PCDHA2: variants seen among roughly 807,000 people sequenced by gnomAD.
The protein encoded by PCDHA2 is protocadherin alpha 2.
In PCDHA2, 58 loss-of-function variants were observed where a neutral mutation model predicts 66.0. That is an observed-to-expected ratio of 0.88 (90% CI 0.71 to 1.09). The LOEUF (loss-of-function observed/expected upper bound fraction) is 1.09. Among genes scored for constraint, PCDHA2 ranks in the 50% least tolerant of loss-of-function variants. The pLI, the probability that PCDHA2 is intolerant of heterozygous loss-of-function variation, is 0.00. For synonymous variants in PCDHA2, 634 were observed against 554.0 expected, an observed-to-expected ratio of 1.14 and a Z score of -2.03; for missense variants, 1,267 against 1,242.3, an observed-to-expected ratio of 1.02 and a Z score of -0.30.
At chr5:140,971,732 T>C (rs1554233582) in intron 1 of PCDHA2, among the ~76,000 whole-genome samples, 2 of 151,638 alleles carry the variant, frequency 1.3e-5, no homozygotes, top group African/African-American at 4.8e-5. Flanking sequence ...ATCATACATA[T>C]ACACATACAT....
At chr5:140,923,950 C>T (rs544576500) in intron 1 of PCDHA2, among the ~76,000 whole-genome samples, 3 of 152,266 alleles carry the variant, frequency 2.0e-5, no homozygotes, top group Admixed American at 6.5e-5. Flanking sequence ...TTTTTCCTCA[C>T]GCCCTAATCT....
chr5:140,981,232 T>G (rs768766953), intron 2 of PCDHA2, among the ~76,000 whole-genome samples: 32 of 152,216 alleles, frequency 2.1e-4, no homozygotes, highest in Non-Finnish European at 4.3e-4. Context: ...GTAGTCTAAA[T>G]TTTATTTTAG....
intron 1 of PCDHA2, chr5:140,829,924 G>T: frequency 6.2e-7 from 1 of 1,614,014 alleles, no homozygotes; most frequent in Non-Finnish European, 8.5e-7. Context: ...CGTATGAGCT[G>T]CAGCCCCCGG....
intron 1 of PCDHA2, among the ~76,000 whole-genome samples, chr5:140,845,118 T>C (rs1779705774): frequency 6.7e-6 from 1 of 149,786 alleles, no homozygotes; most frequent in Non-Finnish European, 1.5e-5. Flanking sequence ...TGTCCATGTT[T>C]AGCATTTTAT....
intron 1 of PCDHA2, among the ~76,000 whole-genome samples, chr5:140,933,899 G>T (rs2089496307): frequency 6.6e-6 from 1 of 151,508 alleles, no homozygotes; most frequent in African/African-American, 2.4e-5. Flanking sequence ...TGAATATTTT[G>T]GCATAAAGTT....
intron 1 of PCDHA2, chr5:140,801,061 C>A (rs887998358): frequency 1.3e-5 from 19 of 1,453,456 alleles, no homozygotes; most frequent in Non-Finnish European, 1.7e-5. Context: ...GCGTGCATTA[C>A]GTATTCAGAT....
At position 140,966,546 on chromosome 5, in the gene PCDHA2, C is replaced by G. The variant is rs549303882; in HGVS notation, c.2389-12403C>G. The G allele has an allele frequency of 3.9e-5, 18 of 466,228 alleles. No individual in the cohort carries two copies. The Admixed American group carries it at 6.1e-4, about 16-fold the overall frequency. 28.9% of individuals were successfully genotyped at this position (466,228 alleles called of 1,614,324 possible). On this transcript the variant is annotated intron_variant, in intron 1 of 3. Coordinates refer to ENST00000526136, the MANE Select transcript of PCDHA2 (RefSeq NM_018905.3). ...CGAGCCGGGTTGAGCGACTCGGAGGCGAGCGGAGGAGCTGGAATATGGGGA... is the reference window on the plus strand; with the variant it reads ...CGAGCCGGGTTGAGCGACTCGGAGGGGAGCGGAGGAGCTGGAATATGGGGA...
chr5:140,805,580 A>G (rs1763597043), intron 1 of PCDHA2: 1 of 945,106 alleles, frequency 1.1e-6, no homozygotes, highest in East Asian at 1.2e-4. Flanking sequence ...TTAAATGGCT[A>G]CCATTATGTC....
At chr5:141,004,030 C>T (rs1337271425) in intron 3 of PCDHA2, among the ~76,000 whole-genome samples, 1 of 152,204 alleles carries the variant, frequency 6.6e-6, no homozygotes, top group Non-Finnish European at 1.5e-5. Flanking sequence ...GAAACATTTC[C>T]TTGATTGATC....
chr5:140,950,711 T>C (rs1173209854), intron 1 of PCDHA2, among the ~76,000 whole-genome samples: 2 of 152,094 alleles, frequency 1.3e-5, no homozygotes, highest in African/African-American at 4.8e-5. Flanking sequence ...TTTTTGTTCC[T>C]TATATCCTTA....
intron 1 of PCDHA2, chr5:140,929,398 A>G: frequency 6.6e-7 from 1 of 1,510,096 alleles, no homozygotes; most frequent in Non-Finnish European, 8.9e-7. Flanking sequence ...AATATTTCTT[A>G]GACAAGCCTT....
chr5:140,849,138 A>G (rs2150253056), intron 1 of PCDHA2: 1 of 1,337,178 alleles, frequency 7.5e-7, no homozygotes, highest in South Asian at 1.3e-5. Flanking sequence ...GCTCACGGCC[A>G]CCGATGGAGG....
At chr5:140,901,697 C>T (rs57431111) in intron 1 of PCDHA2, among the ~76,000 whole-genome samples, 1,867 of 152,140 alleles carry the variant, frequency 0.012, 40 homozygotes, top group African/African-American at 0.043. Context: ...TTTTGTAGTT[C>T]TATATACATT....
rs2150181122 is a variant in PCDHA2 at position 140,830,100 on chromosome 5, T to C, written c.2388+32748T>C. 6.2e-7 allele frequency: 1 copy of C among 1,613,448 alleles called. No homozygotes were observed. The highest frequency in any genetic ancestry group is 1.7e-5 in the Admixed American group (1 of 59,986). On this transcript the variant is annotated intron_variant, in intron 1 of 3. Coordinates refer to ENST00000526136, the MANE Select transcript of PCDHA2 (RefSeq NM_018905.3). ...ACGGCCACGGTTCTGGTGTCGCTGG[T>C]GGAGAGTGGCCAGGCTCCAAAGGCG...
chr5:140,932,063 T>C (rs1020375496), intron 1 of PCDHA2, among the ~76,000 whole-genome samples: 8 of 151,942 alleles, frequency 5.3e-5, no homozygotes, highest in African/African-American at 1.4e-4. Context: ...CTAAAAATTA[T>C]CAGTTTAAGA....
chr5:140,873,706 G>T (rs1419666886), intron 1 of PCDHA2, among the ~76,000 whole-genome samples: 1 of 152,132 alleles, frequency 6.6e-6, no homozygotes, highest in Non-Finnish European at 1.5e-5. Context: ...TATCACCCAG[G>T]CTGGTGTGCA....
At position 140,794,969 on chromosome 5, in the gene PCDHA2, C is replaced by T. The variant is rs1761897892; in HGVS notation, c.5C>T (p.Ala2Val). Residue 2 changes from alanine to valine, a missense_variant, in exon 1 of 4, where the codon GCG (alanine) becomes GTG (valine). Coordinates refer to ENST00000526136, the MANE Select transcript of PCDHA2 (RefSeq NM_018905.3). ...TCAAAACATTGAGGATTGGTAATGG[C>T]GTCTTCTATCAGAAGGGGCCGAGGG... The part of the protein sequence containing the change: M[A>V]SSIRRGRGAW... 17 of 1,607,186 alleles carry T rather than the reference C, an allele frequency of 1.1e-5. No individual in the cohort carries two copies. Among genetic ancestry groups the T allele is most frequent in the Admixed American group, 1.7e-5 (1 of 58,468 alleles).
intron 1 of PCDHA2, chr5:140,802,454 G>C (rs1554122143): frequency 3.1e-6 from 5 of 1,614,096 alleles, no homozygotes; most frequent in Admixed American, 1.7e-5. Flanking sequence ...AGAGCGTGTC[G>C]GCCTATGAGC....
At chr5:140,927,195 C>T in intron 1 of PCDHA2, 1 of 1,614,118 alleles carries the variant, frequency 6.2e-7, no homozygotes, top group Non-Finnish European at 8.5e-7. Flanking sequence ...ACCTGGTGCT[C>T]GAGGACCCGC....
Sources: gnomAD v4.1 joint callset for allele counts (sites outside exome capture counted in the v4.1 genomes callset) on GRCh38, gnomAD v4.1.1 for gene constraint, MANE v1.5 for transcripts, NCBI Gene and HGNC (gene_info 2026-07-23, HGNC 2026-07-21) for gene names.